DEGS2: variants seen among roughly 807,000 people sequenced by gnomAD.
DEGS2 encodes sphingolipid delta(4)-desaturase/C4-monooxygenase DES2.
A neutral mutation model predicts 23.8 loss-of-function variants in DEGS2; 19 were observed. The observed-to-expected ratio is 0.80, with a 90% confidence interval of 0.56 to 1.17. The LOEUF is 1.17. Ranked by LOEUF, DEGS2 falls within the 50% of genes most tolerant of loss-of-function variation. The pLI is 0.00. For synonymous variants in DEGS2, 218 were observed against 213.7 expected, an observed-to-expected ratio of 1.02 and a Z score of -0.18; for missense variants, 390 against 459.5, an observed-to-expected ratio of 0.85 and a Z score of 1.38.
In DEGS2 at chr14:100,159,438, C is replaced by A. The variant is rs918427395; in HGVS notation, c.82+68G>T. On this transcript the variant is annotated intron_variant, in intron 1 of 2. Transcript: ENST00000305631. ...CTGGAGCGGCCCGTCTGGGCTCGACCCCACGACGCGACTCCAGACGGGCCA... is the reference window on the plus strand; with the variant it reads ...CTGGAGCGGCCCGTCTGGGCTCGACACCACGACGCGACTCCAGACGGGCCA... 4 of 1,280,746 alleles carry A rather than the reference C, an allele frequency of 3.1e-6. 1 individual carries two copies. The Admixed American group carries it at 9.3e-5, about 30-fold the overall frequency. The allele number at this position is 1,280,746 out of a possible 1,614,324, so 79.3% of individuals were successfully genotyped here.
chr14:100,164,992 A>G, the DEGS2 span, among the ~76,000 whole-genome samples: 1 of 152,198 alleles, frequency 6.6e-6, no homozygotes, highest in African/African-American at 2.4e-5. Context: ...TGGTAATAAA[A>G]AATGAATTAC....
rs147999931 is a variant in DEGS2 at position 100,149,247 on chromosome 14, C to T, written c.546G>A (p.Val182=). The T allele has an allele frequency of 7.4e-6, 12 of 1,612,708 alleles. No homozygotes were observed. In the African/African-American group the frequency reaches 1.5e-4, roughly 20 times the overall value. Reference sequence around the variant, plus strand: ...GCGTGTTGAGCACCTCCATGCGGGTCACGGCCTTGGGGTGGACGCAGAGCG... The same window carrying T: ...GCGTGTTGAGCACCTCCATGCGGGTTACGGCCTTGGGGTGGACGCAGAGCG... ...LRPLCVHPKA[V]TRMEVLNTLV... Residue 182 remains valine (V), a synonymous_variant, in exon 2 of 3, where the codon GTG becomes GTA. Transcript: ENST00000305631.
the DEGS2 span, among the ~76,000 whole-genome samples, chr14:100,166,352 T>TGGGGGAGCCTGCCCGGGGCTG: frequency 2.2e-5 from 1 of 44,672 alleles, no homozygotes; most frequent in Non-Finnish European, 4.3e-5. Context: ...CCCGGGGCTG[T>TGGGGGAGCCTGCCCGGGGCTG]GGGGGGAGCC....
chr14:100,163,561 T>G (rs1475503677), upstream of DEGS2, among the ~76,000 whole-genome samples: 1 of 152,178 alleles, frequency 6.6e-6, no homozygotes, highest in Non-Finnish European at 1.5e-5. Context: ...GCCAGACTGC[T>G]AGGAAAGGAT....
At chr14:100,153,232 G>T (rs535289646) in intron 1 of DEGS2, among the ~76,000 whole-genome samples, 29 of 151,780 alleles carry the variant, frequency 1.9e-4, no homozygotes, top group African/African-American at 6.8e-4. Flanking sequence ...CTCCAGCCTG[G>T]GCGACAGTAA....
At chr14:100,163,379 T>G (rs531077443), upstream of DEGS2, among the ~76,000 whole-genome samples, 34 of 151,936 alleles carry the variant, frequency 2.2e-4, no homozygotes, top group African/African-American at 7.7e-4. Context: ...GAGGCAGAGG[T>G]TGCGGTGAGC....
chr14:100,153,989 T>G (rs1377540760), intron 1 of DEGS2, among the ~76,000 whole-genome samples: 2 of 152,120 alleles, frequency 1.3e-5, no homozygotes, highest in Non-Finnish European at 2.9e-5. Flanking sequence ...TGCACAATGG[T>G]GAGCAAGGCC....
chr14:100,166,346 G>A, the DEGS2 span, among the ~76,000 whole-genome samples: 1 of 48,742 alleles, frequency 2.1e-5, no homozygotes, highest in African/African-American at 1.4e-4. Context: ...AGCCTGCCCG[G>A]GGCTGTGGGG....
rs1889446438 is a variant in DEGS2, at chr14:100,146,464, G to T, written c.*297C>A. 1.8e-5 allele frequency: 7 copies of T among 386,972 alleles called. No homozygotes were observed. In the Admixed American group the frequency reaches 3.1e-4, roughly 17 times the overall value. The allele number at this position is 386,972 out of a possible 1,614,324, so 24.0% of individuals were successfully genotyped here. A position where few individuals can be genotyped will look rare whatever the true frequency, so the allele number is the denominator to read the frequency against. Reference sequence around the variant, plus strand: ...TAATGTAGGGCACAGGCACCCCGGAGAAGTCAGCTCCGTGGGAACCGTGGG... The same window carrying T: ...TAATGTAGGGCACAGGCACCCCGGATAAGTCAGCTCCGTGGGAACCGTGGG... On this transcript the variant is annotated 3_prime_UTR_variant, in exon 3 of 3. Coordinates refer to ENST00000305631, the MANE Select transcript of DEGS2 (RefSeq NM_206918.3).
intron 1 of DEGS2, among the ~76,000 whole-genome samples, chr14:100,158,086 CA>C (rs55666851): frequency 8.2e-4 from 80 of 97,980 alleles, no homozygotes; most frequent in African/African-American, 2.1e-3. Flanking sequence ...GACTTCCTCT[CA>C]AAAAAAAAAA....
chr14:100,149,486 C>T lies in DEGS2; in HGVS notation c.307G>A (p.Ala103Thr), dbSNP rs1460552169. The T allele has an allele frequency of 6.3e-7, 1 of 1,597,294 alleles. No individual in the cohort carries two copies. Among genetic ancestry groups the T allele is most frequent in the Non-Finnish European group, 8.5e-7 (1 of 1,173,030 alleles). The change falls in exon 2 of 3, where the codon GCA (alanine) becomes ACA (threonine). Residue 103 changes from alanine (A) to threonine (T), a missense_variant. Coordinates refer to ENST00000305631, the MANE Select transcript of DEGS2 (RefSeq NM_206918.3). ...HNAAFGTGRA[A>T]RNRWLAVFAN... The stretch of plus-strand genomic sequence containing the variant: ...AACACGGCCAGCCAGCGGTTGCGTG[C>T]CGCACGGCCCGTGCCGAAGGCCGCG...
At position 100,149,242 on chromosome 14, in the gene DEGS2, C is replaced by T. The variant is rs571635774; in HGVS notation, c.551G>A (p.Arg184His). 19 of 1,612,752 alleles carry T rather than the reference C, an allele frequency of 1.2e-5. No individual in the cohort carries two copies. In the East Asian group the frequency reaches 2.2e-4, roughly 19 times the overall value. The change falls in exon 2 of 3, where the codon CGC becomes CAC. Residue 184 changes from arginine to histidine, a missense_variant. Coordinates refer to ENST00000305631, the MANE Select transcript of DEGS2 (RefSeq NM_206918.3). ...PLCVHPKAVT[R>H]MEVLNTLVQL... is the part of the protein sequence containing the mutation. ...CACCAGCGTGTTGAGCACCTCCATGCGGGTCACGGCCTTGGGGTGGACGCA... is the reference window on the plus strand; with the variant it reads ...CACCAGCGTGTTGAGCACCTCCATGTGGGTCACGGCCTTGGGGTGGACGCA...
chr14:100,158,705 T>C (rs1889699869), intron 1 of DEGS2, among the ~76,000 whole-genome samples: 1 of 152,086 alleles, frequency 6.6e-6, no homozygotes, highest in Admixed American at 6.5e-5. Context: ...GGGGCGGGCC[T>C]GTCTCAGCCT....
chr14:100,144,699 C>T lies in DEGS2; in HGVS notation c.*2062G>A, dbSNP rs1889404593. 6.6e-6 allele frequency: 1 copy of T among 152,130 alleles called. No individual in the cohort carries two copies. Among genetic ancestry groups the T allele is most frequent in the Admixed American group, 6.5e-5 (1 of 15,292 alleles). The allele number at this position is 152,130 out of a possible 1,614,324, so 9.4% of individuals were successfully genotyped here. A position where few individuals can be genotyped will look rare whatever the true frequency, so the allele number is the denominator to read the frequency against. On this transcript the variant is annotated 3_prime_UTR_variant, in exon 3 of 3. Transcript: ENST00000305631. ...CCTGCCCTGAGGCAGCAGCCAGAGA[C>T]AGAGGTTCTGACCCTCAGCTTCAAG...
intron 1 of DEGS2, among the ~76,000 whole-genome samples, chr14:100,152,388 A>G (rs531354128): frequency 6.6e-6 from 1 of 152,240 alleles, no homozygotes; most frequent in South Asian, 2.1e-4. Context: ...AGAGCTATGG[A>G]GCATTATTTC....
intron 1 of DEGS2, among the ~76,000 whole-genome samples, chr14:100,157,446 G>A (rs982234351): frequency 3.9e-5 from 6 of 152,212 alleles, no homozygotes; most frequent in Non-Finnish European, 7.3e-5. Context: ...TCCAGCCTCA[G>A]CCCCACCTCA....
intron 1 of DEGS2, among the ~76,000 whole-genome samples, chr14:100,151,697 G>A (rs1889575006): frequency 1.3e-5 from 2 of 152,184 alleles, no homozygotes; most frequent in Admixed American, 6.5e-5. Context: ...TTCCAGAGGT[G>A]GCACAGGCTG....
intron 1 of DEGS2, among the ~76,000 whole-genome samples, chr14:100,159,187 C>T (rs929904572): frequency 6.6e-6 from 1 of 152,130 alleles, no homozygotes; most frequent in African/African-American, 2.4e-5. Context: ...GCCCCTGCGC[C>T]CTCGCGTCCC....
chr14:100,150,747 C>T (rs1048169612), intron 1 of DEGS2, among the ~76,000 whole-genome samples: 3 of 152,180 alleles, frequency 2.0e-5, no homozygotes, highest in Non-Finnish European at 4.4e-5. Context: ...GTGCCCTTCC[C>T]GCTTTCCTCA....
Sources: allele counts gnomAD v4.1 joint callset (sites outside exome capture counted in the v4.1 genomes callset), GRCh38; gene constraint gnomAD v4.1.1; transcripts MANE v1.5; gene names NCBI Gene and HGNC (gene_info 2026-07-23, HGNC 2026-07-21).